The following MYO5A variants were observed in gnomAD, a reference collection of about 807,000 sequenced individuals.
The protein encoded by MYO5A is myosin VA.
A neutral mutation model predicts 249.7 loss-of-function variants in MYO5A; 98 were observed. The ratio of observed to expected loss-of-function variants is 0.39; its 90% confidence interval spans 0.33 to 0.46. The LOEUF (loss-of-function observed/expected upper bound fraction) is 0.46. MYO5A is among the 20% of genes least tolerant of loss of function. The pLI is 0.98. For synonymous variants in MYO5A, 778 were observed against 810.6 expected, an observed-to-expected ratio of 0.96 and a Z score of 0.68; for missense variants, 1,696 against 2,308.8, an observed-to-expected ratio of 0.73 and a Z score of 5.44.
At position 52,397,636 on chromosome 15, in the gene MYO5A, T is replaced by C. The variant is rs150911004; in HGVS notation, c.1054-170A>G. On this transcript the variant is annotated intron_variant, in intron 9 of 41. Coordinates refer to ENST00000399233, the MANE Select transcript of MYO5A (RefSeq NM_001382347.1). Reference sequence around the variant, plus strand: ...TAATAATCACATTCATCCATTAAACTGGCATCCAGGCAGCATTTTGCAATC... The same window carrying C: ...TAATAATCACATTCATCCATTAAACCGGCATCCAGGCAGCATTTTGCAATC... Among the ~76,000 whole-genome samples the C allele has an allele frequency of 5.9e-3, 900 of 152,358 alleles. 11 individuals carry two copies. The highest frequency in any genetic ancestry group is 0.021 in the African/African-American group (861 of 41,588).
intron 35 of MYO5A, among the ~76,000 whole-genome samples, chr15:52,329,988 C>CTT (rs569269632): frequency 1.5e-4 from 15 of 100,254 alleles, no homozygotes; most frequent in Admixed American, 3.0e-4. Flanking sequence ...TTTTCTTTTT[C>CTT]TTTTTTTTTT....
Position 52,337,847 on chromosome 15 carries a change from T to C in MYO5A, c.4277A>G (p.Tyr1426Cys). The C allele has an allele frequency of 1.9e-6, 3 of 1,545,552 alleles. No homozygotes were observed. Among genetic ancestry groups the C allele is most frequent in the Non-Finnish European group, 2.6e-6 (3 of 1,143,524 alleles). The change falls in exon 33 of 42, where the codon TAT (tyrosine) becomes TGT (cysteine). Residue 1426 changes from tyrosine to cysteine, a missense_variant. This residue lies in a region of MYO5A where 625 missense variants were observed against 908.1 expected (regional missense o/e 0.69). Transcript: ENST00000399233. ...EELYADDPKK[Y>C]QSYRISLYKR... ...GTAAAGGGAAATCCGATATGATTGATACTTCTTAGGGTCATCTGCATATAA... is the reference window on the plus strand; with the variant it reads ...GTAAAGGGAAATCCGATATGATTGACACTTCTTAGGGTCATCTGCATATAA...
chr15:52,516,979 C>A (rs761395589), intron 1 of MYO5A, among the ~76,000 whole-genome samples: 1 of 152,020 alleles, frequency 6.6e-6, no homozygotes, highest in Non-Finnish European at 1.5e-5. Flanking sequence ...TGAATAAAAG[C>A]AACAATAATG....
intron 6 of MYO5A, 141 bp from the exon 7 acceptor site, chr15:52,408,281 T>G (rs1057343878): frequency 8.0e-6 from 5 of 621,886 alleles, no homozygotes; most frequent in African/African-American, 1.8e-5. Flanking sequence ...TACTTATTTC[T>G]GATTATTAAA....
chr15:52,495,579 T>C (rs891914149), intron 1 of MYO5A, among the ~76,000 whole-genome samples: 1 of 152,208 alleles, frequency 6.6e-6, no homozygotes, highest in African/African-American at 2.4e-5. Context: ...AGGTAATGCA[T>C]ATGTTAAACA....
chr15:52,349,375 G>C (rs995635467), intron 28 of MYO5A, among the ~76,000 whole-genome samples: 3 of 152,150 alleles, frequency 2.0e-5, no homozygotes, highest in African/African-American at 7.2e-5. Flanking sequence ...CAGCCCTGGG[G>C]AGTCTGGAAG....
chr15:52,468,027 G>A (rs952418248), intron 1 of MYO5A, among the ~76,000 whole-genome samples: 4 of 152,126 alleles, frequency 2.6e-5, no homozygotes, highest in Non-Finnish European at 5.9e-5. Flanking sequence ...AACAGGTAGC[G>A]AACAGAAGCA....
intron 1 of MYO5A, among the ~76,000 whole-genome samples, chr15:52,497,953 T>C (rs553352912): frequency 6.6e-6 from 1 of 152,066 alleles, no homozygotes; most frequent in Non-Finnish European, 1.5e-5. Flanking sequence ...GCCAAAGTGT[T>C]GCTTCGAGGG....
chr15:52,356,390 T>G (rs1311624821), intron 25 of MYO5A, among the ~76,000 whole-genome samples: 1 of 152,138 alleles, frequency 6.6e-6, no homozygotes, highest in East Asian at 1.9e-4. Context: ...TTTTTCTTAG[T>G]CTTTTTCTCT....
chr15:52,477,518 T>C (rs2076622768), intron 1 of MYO5A, among the ~76,000 whole-genome samples: 1 of 152,262 alleles, frequency 6.6e-6, no homozygotes, highest in South Asian at 2.1e-4. Flanking sequence ...TTTTCTGCTC[T>C]GATTTCTCCC....
Position 52,370,327 on chromosome 15 carries a change from G to A in MYO5A, c.2908C>T (p.Arg970Cys), listed in dbSNP as rs369665196. 3.1e-6 allele frequency: 5 copies of A among 1,614,102 alleles called. No individual in the cohort carries two copies. The highest frequency in any genetic ancestry group is 1.3e-5 in the African/African-American group (1 of 75,034). Residue 970 changes from arginine (R) to cysteine (C), a missense_variant, in exon 22 of 42, where the codon CGT becomes TGT. By Grantham distance (180) the Arg-to-Cys change is radical (BLOSUM62 -3). Transcript: ENST00000399233. Reference sequence around the variant, plus strand: ...GCTTCCTCTTCACTTAGTTGAAGACGTTCTAAGTCACTTCGTAGTTTCTCA... The same window carrying A: ...GCTTCCTCTTCACTTAGTTGAAGACATTCTAAGTCACTTCGTAGTTTCTCA... ...ETEKLRSDLE[R>C]LQLSEEEAKV...
At chr15:52,464,248 A>G (rs1240698664) in intron 1 of MYO5A, among the ~76,000 whole-genome samples, 1 of 152,204 alleles carries the variant, frequency 6.6e-6, no homozygotes, top group African/African-American at 2.4e-5. Flanking sequence ...ACGATGTACT[A>G]TGTGATCTGG....
chr15:52,334,563 T>G (rs1031518224), intron 34 of MYO5A, among the ~76,000 whole-genome samples: 9 of 152,252 alleles, frequency 5.9e-5, no homozygotes, highest in African/African-American at 2.2e-4. Context: ...TTCTGATTTC[T>G]AAACAAATAT....
At chr15:52,389,184 G>T (rs903400478) in intron 13 of MYO5A, 54 bp downstream of exon 13, 4 of 1,567,372 alleles carry the variant, frequency 2.6e-6, no homozygotes, top group African/African-American at 1.4e-5. Context: ...TGACTATTGG[G>T]TTTTTTCCAC....
intron 1 of MYO5A, chr15:52,505,644 G>C (rs2077253215): frequency 7.7e-7 from 1 of 1,303,972 alleles, no homozygotes; most frequent in Non-Finnish European, 1.1e-6. Context: ...GGGATGATGA[G>C]ACAGATATGG....
chr15:52,351,774 G>A (rs1456251461), intron 27 of MYO5A, among the ~76,000 whole-genome samples: 9 of 152,200 alleles, frequency 5.9e-5, no homozygotes, highest in Admixed American at 5.9e-4. Flanking sequence ...AGATTGCTGA[G>A]TCCCAAGGGG....
intron 25 of MYO5A, among the ~76,000 whole-genome samples, chr15:52,355,294 C>G (rs1052596141): frequency 6.6e-6 from 1 of 152,150 alleles, no homozygotes; most frequent in Non-Finnish European, 1.5e-5. Context: ...CAGATTCAAC[C>G]AACTGTGGAT....
chr15:52,521,547 G>A (rs111864016), intron 1 of MYO5A, among the ~76,000 whole-genome samples: 9 of 152,288 alleles, frequency 5.9e-5, no homozygotes, highest in African/African-American at 2.2e-4. Flanking sequence ...TTAGGCCACA[G>A]GAGGTAGATA....
intron 1 of MYO5A, among the ~76,000 whole-genome samples, chr15:52,443,106 T>G (rs1322464089): frequency 6.6e-6 from 1 of 152,148 alleles, no homozygotes; most frequent in African/African-American, 2.4e-5. Context: ...AAATTGTTCT[T>G]GGTATCATAA....
Sources: allele counts gnomAD v4.1 joint callset (sites outside exome capture counted in the v4.1 genomes callset), GRCh38; gene constraint gnomAD v4.1.1; regional missense constraint gnomAD v4.1.1; transcripts MANE v1.5; gene names NCBI Gene and HGNC (gene_info 2026-07-23, HGNC 2026-07-21).